Variants in ARHGAP17 observed in about 807,000 individuals in gnomAD.
ARHGAP17 encodes the protein Rho GTPase activating protein 17.
ARHGAP17 carries 57 observed loss-of-function variants against 99.5 expected under a neutral mutation model. That is an observed-to-expected ratio of 0.57 (90% CI 0.46 to 0.71). The LOEUF (loss-of-function observed/expected upper bound fraction) is 0.71. Among genes scored for constraint, ARHGAP17 ranks in the 30% least tolerant of loss-of-function variants. The probability of loss-of-function intolerance (pLI) is 0.00; values close to 1 mark genes in which losing one functional copy is unlikely to be tolerated. For synonymous variants in ARHGAP17, 417 were observed against 429.6 expected, an observed-to-expected ratio of 0.97 and a Z score of 0.36; for missense variants, 1,000 against 1,122.4, an observed-to-expected ratio of 0.89 and a Z score of 1.56.
At chr16:25,010,429 C>T (rs2053615225) in intron 1 of ARHGAP17, among the ~76,000 whole-genome samples, 1 of 152,138 alleles carries the variant, frequency 6.6e-6, no homozygotes, top group Non-Finnish European at 1.5e-5. Context: ...AGACGAAATC[C>T]AAGCCAGGTG....
chr16:24,990,257 G>A (rs1038244383), intron 1 of ARHGAP17, among the ~76,000 whole-genome samples: 1 of 152,176 alleles, frequency 6.6e-6, no homozygotes, highest in Non-Finnish European at 1.5e-5. Context: ...GGCCAAAGTG[G>A]GAGAATCACC....
chr16:24,968,921 C>T, intron 4 of ARHGAP17, 149 bp from the exon 5 acceptor site: 1 of 678,796 alleles, frequency 1.5e-6, no homozygotes, highest in South Asian at 1.9e-5. Context: ...TAGGGTACTG[C>T]CTAAAACATG....
In ARHGAP17 at chr16:24,932,605, G is replaced by A. The variant is rs577641378; in HGVS notation, c.1895-1201C>T. ...TAATAACAGAATTTCTACCAATTCC[G>A]CAACCATTTGAGTTAATAGATATGT... On this transcript the variant is annotated intron_variant, in intron 18 of 19. Transcript: ENST00000289968. Among the ~76,000 whole-genome samples, 12 of 152,128 alleles carry A rather than the reference G, an allele frequency of 7.9e-5. No individual in the cohort carries two copies. In the South Asian group the frequency reaches 1.2e-3, roughly 16 times the overall value.
In ARHGAP17 at chr16:24,968,410, G is replaced by C; in HGVS notation, c.402C>G (p.Ile134Met). The change falls in exon 6 of 20, where the codon ATC (isoleucine) becomes ATG (methionine). Residue 134 changes from isoleucine to methionine, a missense_variant. Physicochemically the swap from Ile to Met is conservative, Grantham distance 10. Coordinates refer to ENST00000289968, the MANE Select transcript of ARHGAP17 (RefSeq NM_001006634.3). ...TTGCAAGCTGCTTCCTCTGCTTCTG[G>C]ATGTTGGGAATCTCCACCTAAAAAT... ...YGIAEVEIPN[I>M]QKQRKQLARL... The C allele has an allele frequency of 6.2e-7, 1 of 1,614,236 alleles. No individual in the cohort carries two copies. The highest frequency in any genetic ancestry group is 1.3e-5 in the African/African-American group (1 of 75,048).
intron 19 of ARHGAP17, among the ~76,000 whole-genome samples, chr16:24,927,321 G>T (rs1467701112): frequency 6.6e-6 from 1 of 152,198 alleles, no homozygotes; most frequent in East Asian, 1.9e-4. Context: ...CCACTTTACA[G>T]ATCAGCCAGG....
chr16:24,986,329 G>C (rs1050547309), intron 1 of ARHGAP17, among the ~76,000 whole-genome samples: 1 of 152,100 alleles, frequency 6.6e-6, no homozygotes, highest in African/African-American at 2.4e-5. Flanking sequence ...GTGGGATTGT[G>C]GGATTCAAAC....
intron 1 of ARHGAP17, among the ~76,000 whole-genome samples, chr16:24,997,710 G>A (rs1036546068): frequency 9.2e-5 from 14 of 152,140 alleles, no homozygotes; most frequent in Admixed American, 4.6e-4. Flanking sequence ...GAAGTGAGGG[G>A]GAGGAGCTGA....
intron 19 of ARHGAP17, 93 bp downstream of exon 19, chr16:24,930,691 A>G: frequency 6.2e-7 from 1 of 1,610,488 alleles, no homozygotes; most frequent in Non-Finnish European, 8.5e-7. Context: ...TAGTTTGCTG[A>G]CACCTGGCAT....
chr16:24,960,553 G>C (rs949444322), intron 7 of ARHGAP17, among the ~76,000 whole-genome samples: 2 of 150,618 alleles, frequency 1.3e-5, no homozygotes, highest in African/African-American at 4.9e-5. Flanking sequence ...TCTAAAAAAA[G>C]GCTGGGTGTG....
chr16:24,997,221 G>T (rs2053220940), intron 1 of ARHGAP17, among the ~76,000 whole-genome samples: 1 of 151,870 alleles, frequency 6.6e-6, no homozygotes, highest in African/African-American at 2.4e-5. Flanking sequence ...TACACACCCA[G>T]ATGCACATTC....
chr16:24,940,967 G>C (rs2051297049), intron 16 of ARHGAP17, among the ~76,000 whole-genome samples: 1 of 152,188 alleles, frequency 6.6e-6, no homozygotes, highest in Non-Finnish European at 1.5e-5. Flanking sequence ...ACTGTATTCT[G>C]TAACTTAAAA....
chr16:24,957,657 T>C (rs2051851122), intron 9 of ARHGAP17: 1 of 152,220 alleles, frequency 6.6e-6, no homozygotes, highest in Non-Finnish European at 1.5e-5. Context: ...GCAGTATGTT[T>C]TGCTCTTTTT....
chr16:24,959,613 C>G, intron 9 of ARHGAP17, 58 bp downstream of exon 9: 1 of 1,553,290 alleles, frequency 6.4e-7, no homozygotes, highest in Non-Finnish European at 8.8e-7. Context: ...TGAAGAAGAA[C>G]CCAGGCAGAG....
chr16:24,985,733 A>G (rs1463311488), intron 1 of ARHGAP17, among the ~76,000 whole-genome samples: 2 of 152,220 alleles, frequency 1.3e-5, no homozygotes, highest in Non-Finnish European at 2.9e-5. Context: ...GGGAGGGCAG[A>G]GCATTATTCT....
chr16:24,929,743 T>C, intron 19 of ARHGAP17: 7 of 775,296 alleles, frequency 9.0e-6, no homozygotes, highest in Non-Finnish European at 1.1e-5. Context: ...AAAAAAGTTA[T>C]TAACCATTTA....
intron 1 of ARHGAP17, among the ~76,000 whole-genome samples, chr16:25,010,781 C>T (rs1301350677): frequency 1.3e-5 from 2 of 152,266 alleles, no homozygotes; most frequent in African/African-American, 4.8e-5. Context: ...ACAGCAGCCC[C>T]TTTGGTGGGA....
chr16:24,954,405 T>C (rs932432582), intron 10 of ARHGAP17, among the ~76,000 whole-genome samples, 198 bp downstream of exon 10: 2 of 152,142 alleles, frequency 1.3e-5, no homozygotes, highest in Non-Finnish European at 2.9e-5. Context: ...CATAGACAGA[T>C]AGGTATCATA....
intron 3 of ARHGAP17, among the ~76,000 whole-genome samples, chr16:24,976,811 T>C (rs1479121548): frequency 1.3e-5 from 2 of 152,218 alleles, no homozygotes; most frequent in Non-Finnish European, 2.9e-5. Flanking sequence ...ATTACATTAC[T>C]AAAATGTTAG....
chr16:25,013,407 G>A (rs894674780), intron 1 of ARHGAP17, among the ~76,000 whole-genome samples: 3 of 152,214 alleles, frequency 2.0e-5, no homozygotes, highest in Admixed American at 6.5e-5. Context: ...CAGATCAGTT[G>A]AGGCCAGGAG....
Sources: allele counts gnomAD v4.1 joint callset (sites outside exome capture counted in the v4.1 genomes callset), GRCh38; gene constraint gnomAD v4.1.1; transcripts MANE v1.5; gene names NCBI Gene and HGNC (gene_info 2026-07-23, HGNC 2026-07-21).